Variants in CLASP1 observed in about 807,000 individuals in gnomAD.
CLASP1 encodes CLIP-associating protein 1.
A neutral mutation model predicts 192.3 loss-of-function variants in CLASP1; 38 were observed. The observed-to-expected ratio is 0.20, with a 90% CI of 0.15 to 0.26. The LOEUF (loss-of-function observed/expected upper bound fraction) is 0.26. Ranked by LOEUF, CLASP1 falls within the 10% of genes least tolerant of loss-of-function variation. CLASP1 has a pLI of 1.00. For synonymous variants in CLASP1, 691 were observed against 712.8 expected (o/e 0.97, Z 0.49); for missense variants, 1,433 against 1,932.5 (o/e 0.74, Z 4.85).
intron 2 of CLASP1, among the ~76,000 whole-genome samples, chr2:121,585,492 T>C (rs375974301): frequency 5.9e-5 from 9 of 152,230 alleles, no homozygotes; most frequent in African/African-American, 1.4e-4. Context: ...AGCGTTCCCA[T>C]TTCTAGGACC....
intron 8 of CLASP1, among the ~76,000 whole-genome samples, chr2:121,487,951 T>G (rs2093077561): frequency 6.6e-6 from 1 of 152,258 alleles, no homozygotes; most frequent in South Asian, 2.1e-4. Flanking sequence ...CTTTGGCTAT[T>G]GGAAGCACTT....
At chr2:121,522,628 T>C (rs1575636579) in intron 6 of CLASP1, among the ~76,000 whole-genome samples, 1 of 152,226 alleles carries the variant, frequency 6.6e-6, no homozygotes, top group Non-Finnish European at 1.5e-5. Flanking sequence ...CATTTAAATG[T>C]ACTACTTTTG....
rs534532747 is a variant in CLASP1 at position 121,450,486 on chromosome 2, C to T, written c.1523+427G>A. Among the ~76,000 whole-genome samples the T allele has an allele frequency of 1.2e-4, 18 of 152,286 alleles. No homozygotes were observed. The South Asian group carries it at 3.7e-3, about 32-fold the overall frequency. On this transcript the variant is annotated intron_variant, in intron 16 of 39. Coordinates refer to ENST00000263710, the Ensembl canonical transcript of CLASP1. Reference sequence around the variant, plus strand: ...ATCCCAGGCATTAGTCGATCCAACTCCCCTTAATATGATTCACACCAAGGA... The same window carrying T: ...ATCCCAGGCATTAGTCGATCCAACTTCCCTTAATATGATTCACACCAAGGA...
chr2:121,576,973 T>G (rs535753950), intron 2 of CLASP1, among the ~76,000 whole-genome samples: 2 of 152,332 alleles, frequency 1.3e-5, no homozygotes, highest in South Asian at 4.1e-4. Flanking sequence ...ATTAAGGGAC[T>G]GGCGGTAATT....
chr2:121,638,285 A>G (rs907886964), intron 1 of CLASP1, among the ~76,000 whole-genome samples: 2 of 152,152 alleles, frequency 1.3e-5, no homozygotes, highest in African/African-American at 2.4e-5. Flanking sequence ...TAGAATGGTT[A>G]TAATAAAAAT....
At position 121,363,104 on chromosome 2, in the gene CLASP1, T is replaced by C. The variant is rs951051665; in HGVS notation, c.4206+68A>G. On this transcript the variant is annotated intron_variant, in intron 37 of 39. Coordinates refer to ENST00000263710, the Ensembl canonical transcript of CLASP1. ...AGCTGTGCACTGATTCTGATTCCTC[T>C]ATCTCCATGTCCAAACTGCTCCTCA... is the stretch of plus-strand genomic sequence containing the variant. 14 of 1,591,624 alleles carry C rather than the reference T, an allele frequency of 8.8e-6. No individual in the cohort carries two copies. The East Asian group carries it at 3.1e-4, about 36-fold the overall frequency.
intron 24 of CLASP1, among the ~76,000 whole-genome samples, chr2:121,409,702 C>T (rs2077420557): frequency 6.6e-6 from 1 of 152,178 alleles, no homozygotes; most frequent in Non-Finnish European, 1.5e-5. Context: ...CCCAGGGTCT[C>T]TGAACAAATA....
At chr2:121,365,064 G>A in intron 36 of CLASP1, 30 bp downstream of exon 37, 1 of 1,609,768 alleles carries the variant, frequency 6.2e-7, no homozygotes, top group Non-Finnish European at 8.5e-7. Context: ...ACATGGAAAG[G>A]GGCAAGATAA....
intron 33 of CLASP1, among the ~76,000 whole-genome samples, chr2:121,379,419 A>C (rs2071093136): frequency 6.6e-6 from 1 of 152,188 alleles, no homozygotes; most frequent in Admixed American, 6.5e-5. Context: ...AGATGTGAGA[A>C]AGGCATGACC....
chr2:121,374,001 G>C (rs943301548), intron 34 of CLASP1, among the ~76,000 whole-genome samples: 1 of 152,234 alleles, frequency 6.6e-6, no homozygotes, highest in East Asian at 1.9e-4. Context: ...TTAAAAGCCG[G>C]ATGTTAATAG....
chr2:121,594,180 G>T (rs2105788769), intron 2 of CLASP1, among the ~76,000 whole-genome samples: 1 of 147,820 alleles, frequency 6.8e-6, no homozygotes, highest in East Asian at 2.1e-4. Flanking sequence ...GGCGCCTGTA[G>T]TCCCAGCTAC....
chr2:121,570,472 G>C (rs1463496986), intron 2 of CLASP1, among the ~76,000 whole-genome samples: 3 of 152,232 alleles, frequency 2.0e-5, no homozygotes, highest in Non-Finnish European at 4.4e-5. Context: ...ACTCCCACAT[G>C]CCTGATTGTT....
chr2:121,634,664 C>A (rs1240768742), intron 1 of CLASP1, among the ~76,000 whole-genome samples: 1 of 152,196 alleles, frequency 6.6e-6, no homozygotes, highest in African/African-American at 2.4e-5. Flanking sequence ...GCTTTTCCCA[C>A]TATGTTTACT....
chr2:121,590,520 G>A (rs568414112), intron 2 of CLASP1, among the ~76,000 whole-genome samples: 3 of 151,982 alleles, frequency 2.0e-5, no homozygotes, highest in Admixed American at 6.6e-5. Flanking sequence ...TAGCATGATC[G>A]GTCTTATCTA....
chr2:121,377,468 C>T (rs754901564), intron 34 of CLASP1, 31 bp downstream of exon 35: 3 of 1,551,992 alleles, frequency 1.9e-6, no homozygotes, highest in Non-Finnish European at 2.6e-6. Context: ...TTAACTCATA[C>T]AGAGTTCTCT....
intron 1 of CLASP1, among the ~76,000 whole-genome samples, chr2:121,621,220 CA>C (rs979547178): frequency 1.7e-4 from 24 of 144,458 alleles, no homozygotes; most frequent in Admixed American, 2.1e-4. Flanking sequence ...GAACCTGTAT[CA>C]AAAAAAAAAG....
rs562578811 is a variant in CLASP1, at chr2:121,385,600, G to A, written c.3374+1522C>T. On this transcript the variant is annotated intron_variant, in intron 32 of 39. Coordinates refer to ENST00000263710, the Ensembl canonical transcript of CLASP1. The stretch of plus-strand genomic sequence containing the variant: ...CACTATCAAGTTTTTACTTAGATTA[G>A]TCCAAATAATAAAATGCTTAATTTG... Among the ~76,000 whole-genome samples, 8 of 152,234 alleles carry A rather than the reference G, an allele frequency of 5.3e-5. No individual in the cohort carries two copies. The East Asian group carries it at 1.5e-3, about 29-fold the overall frequency.
At chr2:121,499,512 C>CA (rs58681666) in intron 8 of CLASP1, among the ~76,000 whole-genome samples, 18,223 of 131,998 alleles carry the variant, frequency 0.14, 1,360 homozygotes, top group Middle Eastern at 0.29. Context: ...TGTGAATATT[C>CA]AAAAAAAAAA....
chr2:121,533,537 T>C (rs1358886557), intron 2 of CLASP1, among the ~76,000 whole-genome samples: 1 of 152,186 alleles, frequency 6.6e-6, no homozygotes, highest in African/African-American at 2.4e-5. Context: ...CTATTTCTGC[T>C]TTCTTCAGCC....
Sources: gnomAD v4.1 joint callset for allele counts (sites outside exome capture counted in the v4.1 genomes callset) on GRCh38, gnomAD v4.1.1 for gene constraint, MANE v1.5 for transcripts, NCBI Gene and HGNC (gene_info 2026-07-23, HGNC 2026-07-21) for gene names.